The following EYS variants were observed in gnomAD, a reference collection of about 807,000 sequenced individuals.
The protein encoded by EYS is protein eyes shut homolog.
Under a neutral mutation model 282.1 loss-of-function variants are expected in EYS, and 250 were observed. That is an observed-to-expected ratio of 0.89 (90% CI 0.80 to 0.98). EYS has a LOEUF of 0.98. Among genes scored for constraint, EYS ranks in the 50% least tolerant of loss-of-function variants. The pLI, the probability that EYS is intolerant of heterozygous loss-of-function variation, is 0.00. For missense variants in EYS, 4,016 were observed against 3,709.0 expected (o/e 1.08, Z -2.15); for synonymous variants, 1,355 against 1,282.9 (o/e 1.06, Z -1.20).
At chr6:65,279,818 G>A (rs1768165731) in intron 12 of EYS, among the ~76,000 whole-genome samples, 1 of 152,040 alleles carries the variant, frequency 6.6e-6, no homozygotes, top group African/African-American at 2.4e-5. Context: ...TCTTGCTAAA[G>A]ATTTTGTAAA....
intron 5 of EYS, among the ~76,000 whole-genome samples, chr6:65,426,779 A>C (rs1021067456): frequency 1.3e-5 from 2 of 152,134 alleles, no homozygotes; most frequent in African/African-American, 4.8e-5. Context: ...TAATGTAAAA[A>C]TTTTGTTTTA....
At chr6:64,318,391 A>G (rs1220439666) in intron 29 of EYS, among the ~76,000 whole-genome samples, 1 of 152,040 alleles carries the variant, frequency 6.6e-6, no homozygotes, top group African/African-American at 2.4e-5. Flanking sequence ...CCATATTAAT[A>G]ATCAGTAGTA....
At chr6:63,870,573 T>C (rs1030617729) in intron 35 of EYS, among the ~76,000 whole-genome samples, 1 of 152,330 alleles carries the variant, frequency 6.6e-6, no homozygotes, top group Non-Finnish European at 1.5e-5. Flanking sequence ...GCCTTTCTTT[T>C]GTCAAATCTT....
intron 1 of EYS, among the ~76,000 whole-genome samples, chr6:65,653,153 TGTTTTCTATTTC>T (rs890078720): frequency 1.9e-4 from 29 of 151,926 alleles, no homozygotes; most frequent in African/African-American, 7.0e-4. Flanking sequence ...AAATACCCTG[TGTTTTCTATTTC>T]TTCACTTAAT....
intron 13 of EYS, among the ~76,000 whole-genome samples, chr6:65,046,815 A>G (rs1773116697): frequency 1.3e-5 from 2 of 152,010 alleles, no homozygotes; most frequent in Non-Finnish European, 2.9e-5. Context: ...AAAGTTGGGG[A>G]GGAACCTGGT....
At chr6:64,532,183 A>G (rs1764363584) in intron 26 of EYS, among the ~76,000 whole-genome samples, 1 of 152,208 alleles carries the variant, frequency 6.6e-6, no homozygotes, top group Non-Finnish European at 1.5e-5. Context: ...CAAAGCAGAG[A>G]ATGATGTTCT....
At chr6:64,649,120 AT>A (rs1224061082) in intron 22 of EYS, among the ~76,000 whole-genome samples, 5 of 152,062 alleles carry the variant, frequency 3.3e-5, no homozygotes, top group African/African-American at 1.2e-4. Context: ...GTATACAAGC[AT>A]TTTTTTGCTC....
At chr6:65,337,719 A>T (rs1330998111) in intron 10 of EYS, among the ~76,000 whole-genome samples, 2 of 151,026 alleles carry the variant, frequency 1.3e-5, no homozygotes, top group African/African-American at 4.8e-5. Context: ...TTAATTTTTA[A>T]AATATTCTTT....
chr6:65,099,366 T>C (rs1774829390), intron 12 of EYS, among the ~76,000 whole-genome samples: 2 of 150,796 alleles, frequency 1.3e-5, no homozygotes. Flanking sequence ...GATTACATAT[T>C]GAGATTCATT....
intron 22 of EYS, among the ~76,000 whole-genome samples, chr6:64,653,889 T>C (rs1486545158): frequency 6.6e-6 from 1 of 152,140 alleles, no homozygotes; most frequent in East Asian, 1.9e-4. Flanking sequence ...GAAGTTTTCA[T>C]AATATGTGTT....
At chr6:64,085,170 T>G (rs1170771284) in intron 31 of EYS, among the ~76,000 whole-genome samples, 1 of 151,478 alleles carries the variant, frequency 6.6e-6, no homozygotes, top group African/African-American at 2.4e-5. Flanking sequence ...TAGTGATGGG[T>G]TTTCGCTATG....
rs141131861 is a variant in EYS, at chr6:65,652,855, C to T, written c.-447-12963G>A. 7.2e-5 allele frequency among the ~76,000 whole-genome samples: 11 copies of T among 152,028 alleles called. No individual in the cohort carries two copies. The East Asian group carries it at 2.1e-3, about 29-fold the overall frequency. ...TATGTTAAATAACTACATTTTGAAT[C>T]AGTGATAACTATCCAGGATATAAGA... is the stretch of plus-strand genomic sequence containing the variant. On this transcript the variant is annotated intron_variant, in intron 1 of 42. Coordinates refer to ENST00000503581, the MANE Select transcript of EYS (RefSeq NM_001142800.2).
At chr6:64,855,395 C>G (rs944530635) in intron 19 of EYS, among the ~76,000 whole-genome samples, 1 of 151,928 alleles carries the variant, frequency 6.6e-6, no homozygotes, top group Non-Finnish European at 1.5e-5. Context: ...TTCCTTTTCT[C>G]TAGTTTTTTT....
At chr6:65,397,633 T>C (rs1310355070) in intron 7 of EYS, among the ~76,000 whole-genome samples, 1 of 145,256 alleles carries the variant, frequency 6.9e-6, no homozygotes, top group African/African-American at 2.6e-5. Context: ...TGTGTGTGTA[T>C]CATGTTTTTA....
At chr6:65,243,309 T>C (rs6907993) in intron 12 of EYS, among the ~76,000 whole-genome samples, 5,553 of 152,254 alleles carry the variant, frequency 0.036, 337 homozygotes, top group African/African-American at 0.12. Flanking sequence ...CTAGTACATA[T>C]ACAAGATATG....
intron 31 of EYS, among the ~76,000 whole-genome samples, chr6:64,222,449 G>T (rs1766132515): frequency 2.6e-5 from 4 of 151,888 alleles, no homozygotes; most frequent in Admixed American, 2.6e-4. Context: ...TTTAGGTCAG[G>T]TTCACATTAG....
rs867535787 is a variant in EYS, at chr6:64,997,586, T to C, written c.2255A>G (p.His752Arg). 7 of 1,551,014 alleles carry C rather than the reference T, an allele frequency of 4.5e-6. No homozygotes were observed. The highest frequency in any genetic ancestry group is 1.7e-4 in the Middle Eastern group (1 of 5,990). Reference protein sequence around the residue: ...CEHNSTCKDLHLSYQCVCLSD... With the variant: ...CEHNSTCKDLRLSYQCVCLSD... ...AAAAAGCCAGTGGATACTAACGAGA[T>C]GCAGGTCTTTGCAGGTAGAATTGTG... The change falls in exon 14 of 43, where the codon CAT (histidine) becomes CGT (arginine). Residue 752 changes from histidine (H) to arginine (R), a missense_variant. Physicochemically the swap from His to Arg is conservative, Grantham distance 29. Coordinates refer to ENST00000503581, the MANE Select transcript of EYS (RefSeq NM_001142800.2).
intron 12 of EYS, among the ~76,000 whole-genome samples, chr6:65,214,158 CAAAAAAAA>C (rs58213904): frequency 6.8e-5 from 2 of 29,252 alleles, no homozygotes; most frequent in Admixed American, 7.6e-4. Flanking sequence ...GACTCCGTCT[CAAAAAAAA>C]AAAAAAAAAA....
intron 22 of EYS, among the ~76,000 whole-genome samples, chr6:64,772,093 T>G (rs999544403): frequency 1.3e-5 from 2 of 151,760 alleles, no homozygotes; most frequent in East Asian, 3.8e-4. Context: ...CTGTTATTTT[T>G]GACCAACAAT....
Sources: gnomAD v4.1 joint callset for allele counts (sites outside exome capture counted in the v4.1 genomes callset) on GRCh38, gnomAD v4.1.1 for gene constraint, MANE v1.5 for transcripts, NCBI Gene and HGNC (gene_info 2026-07-23, HGNC 2026-07-21) for gene names.